TRERF1: variants seen among roughly 807,000 people sequenced by gnomAD.
TRERF1 encodes the protein transcriptional-regulating factor 1.
Under a neutral mutation model 122.9 loss-of-function variants are expected in TRERF1, and 27 were observed. The ratio of observed to expected loss-of-function variants is 0.22; its 90% confidence interval spans 0.16 to 0.30. The LOEUF is 0.30. Among genes scored for constraint, TRERF1 ranks in the 10% least tolerant of loss-of-function variants. The probability of loss-of-function intolerance (pLI) is 1.00; values close to 1 mark genes in which losing one functional copy is unlikely to be tolerated. For missense variants in TRERF1, 1,248 were observed against 1,560.3 expected (o/e 0.80, Z 3.37); for synonymous variants, 636 against 641.7 (o/e 0.99, Z 0.13).
chr6:42,323,792 G>A (rs1763850993), intron 3 of TRERF1, among the ~76,000 whole-genome samples: 1 of 152,202 alleles, frequency 6.6e-6, no homozygotes, highest in Non-Finnish European at 1.5e-5. Flanking sequence ...TTAGACAGGA[G>A]GAGGCAGCCA....
At chr6:42,265,855 G>T in intron 5 of TRERF1, 58 bp from the exon 6 acceptor site, 1 of 1,578,538 alleles carries the variant, frequency 6.3e-7, no homozygotes. Flanking sequence ...GTGTTCTGAA[G>T]GGAGAAGTCC....
At chr6:42,385,583 C>T (rs1386667453) in intron 2 of TRERF1, among the ~76,000 whole-genome samples, 1 of 152,118 alleles carries the variant, frequency 6.6e-6, no homozygotes, top group African/African-American at 2.4e-5. Context: ...GTGACCTGGA[C>T]CCCGAAACCT....
intron 2 of TRERF1, among the ~76,000 whole-genome samples, chr6:42,417,239 A>T (rs1399423195): frequency 6.6e-6 from 1 of 152,106 alleles, no homozygotes; most frequent in Non-Finnish European, 1.5e-5. Flanking sequence ...TCTCTTATGT[A>T]GCCAAATGGC....
At chr6:42,318,743 T>A (rs1233382435) in intron 3 of TRERF1, among the ~76,000 whole-genome samples, 1 of 152,216 alleles carries the variant, frequency 6.6e-6, no homozygotes, top group Non-Finnish European at 1.5e-5. Context: ...ACAAGCAGAG[T>A]TCAGTAGCTG....
At chr6:42,351,413 A>AG (rs1442493213) in intron 3 of TRERF1, among the ~76,000 whole-genome samples, 2 of 152,268 alleles carry the variant, frequency 1.3e-5, no homozygotes, top group African/African-American at 4.8e-5. Flanking sequence ...CATCAATACA[A>AG]GGAATAATAT....
intron 2 of TRERF1, among the ~76,000 whole-genome samples, chr6:42,440,184 T>TCTAC (rs946176922): frequency 1.3e-5 from 2 of 152,156 alleles, no homozygotes; most frequent in African/African-American, 2.4e-5. Flanking sequence ...TCCTGAGCAC[T>TCTAC]CTACCCATAG....
intron 4 of TRERF1, among the ~76,000 whole-genome samples, chr6:42,295,108 T>C (rs916593745): frequency 7.2e-5 from 11 of 152,184 alleles, no homozygotes; most frequent in African/African-American, 2.7e-4. Flanking sequence ...CTTGGGAGAC[T>C]GGGATAACAA....
chr6:42,413,037 G>T (rs1271683328), intron 2 of TRERF1, among the ~76,000 whole-genome samples: 4 of 152,130 alleles, frequency 2.6e-5, no homozygotes, highest in Non-Finnish European at 5.9e-5. Context: ...AAGCAGTCAG[G>T]TCAACCGACC....
chr6:42,305,744 CA>C (rs915733119), intron 3 of TRERF1, among the ~76,000 whole-genome samples: 6 of 151,984 alleles, frequency 3.9e-5, no homozygotes, highest in African/African-American at 9.7e-5. Flanking sequence ...GAAAAAGGAA[CA>C]GGGGGAGGGG....
chr6:42,437,983 G>T (rs1303705402), intron 2 of TRERF1, among the ~76,000 whole-genome samples: 1 of 151,840 alleles, frequency 6.6e-6, no homozygotes, highest in African/African-American at 2.4e-5. Flanking sequence ...GTGCAATGGC[G>T]TGATCTCAGC....
rs1562124594 is a variant in TRERF1 at position 42,393,126 on chromosome 6, T to A, written c.-453-30047A>T. ...CCGATCTAGGTCCTATTGTCAATAA[T>A]CTCTCAAACAGGTCAAGGGCTGTGG... On this transcript the variant is annotated intron_variant, in intron 2 of 17. Coordinates refer to ENST00000372922, the Ensembl canonical transcript of TRERF1. This position sits in a 1 kb window ranked among gnomAD's most constrained non-coding sequence, Gnocchi z 4.1. 6.6e-6 allele frequency among the ~76,000 whole-genome samples: 1 copy of A among 152,190 alleles called. No individual in the cohort carries two copies. Among genetic ancestry groups the A allele is most frequent in the Non-Finnish European group, 1.5e-5 (1 of 68,034 alleles).
chr6:42,437,543 T>A (rs1208864926), intron 2 of TRERF1, among the ~76,000 whole-genome samples: 1 of 152,062 alleles, frequency 6.6e-6, no homozygotes, highest in Non-Finnish European at 1.5e-5. Context: ...GCTCCAAGAG[T>A]TAGCGCTATC....
At chr6:42,291,526 T>C (rs1379585636) in intron 4 of TRERF1, among the ~76,000 whole-genome samples, 1 of 151,574 alleles carries the variant, frequency 6.6e-6, no homozygotes, top group East Asian at 1.9e-4. Flanking sequence ...TTTTGTTTCG[T>C]TTTTGTTGTT....
chr6:42,255,947 A>T (rs2149736410), intron 12 of TRERF1, among the ~76,000 whole-genome samples: 1 of 152,174 alleles, frequency 6.6e-6, no homozygotes, highest in African/African-American at 2.4e-5. Context: ...CCTGGCCAAC[A>T]TGATGAAACC....
chr6:42,433,006 G>A (rs188262529), intron 2 of TRERF1, among the ~76,000 whole-genome samples: 1 of 152,124 alleles, frequency 6.6e-6, no homozygotes, highest in East Asian at 1.9e-4. Flanking sequence ...AGCTACATAA[G>A]ATAGATAAAA....
intron 2 of TRERF1, among the ~76,000 whole-genome samples, chr6:42,445,371 C>G (rs953856677): frequency 1.3e-5 from 2 of 151,696 alleles, no homozygotes; most frequent in Non-Finnish European, 1.5e-5. Context: ...CACACACACA[C>G]ACACACACAC....
At chr6:42,392,890 G>T (rs1412579237) in intron 2 of TRERF1, among the ~76,000 whole-genome samples, 1 of 150,312 alleles carries the variant, frequency 6.7e-6, no homozygotes, top group Non-Finnish European at 1.5e-5. Flanking sequence ...CGCTGGTAAG[G>T]CGAATGTTTA....
intron 4 of TRERF1, among the ~76,000 whole-genome samples, chr6:42,280,646 C>A (rs1040146378): frequency 6.6e-6 from 1 of 152,170 alleles, no homozygotes; most frequent in Non-Finnish European, 1.5e-5. Flanking sequence ...CCTTCCCAGG[C>A]AGATGAGTGA....
At chr6:42,229,955 A>T (rs956598003) in intron 17 of TRERF1, among the ~76,000 whole-genome samples, 1 of 152,232 alleles carries the variant, frequency 6.6e-6, no homozygotes, top group African/African-American at 2.4e-5. Flanking sequence ...AGCAGTTATG[A>T]TAAAGACAGT....
Sources: gnomAD v4.1 joint callset for allele counts (sites outside exome capture counted in the v4.1 genomes callset) on GRCh38, gnomAD v4.1.1 for gene constraint, Gnocchi (gnomAD v3.1) non-coding constraint, MANE v1.5 for transcripts, NCBI Gene and HGNC (gene_info 2026-07-23, HGNC 2026-07-21) for gene names.